Variants in INTS4 observed in about 807,000 individuals in gnomAD.
INTS4 encodes MSTP093.
INTS4 carries 70 observed loss-of-function variants against 119.5 expected under a neutral mutation model. The observed-to-expected ratio is 0.59, with a 90% CI of 0.48 to 0.71. The LOEUF is 0.71. Among genes scored for constraint, INTS4 ranks in the 30% least tolerant of loss-of-function variants. The pLI is 0.00. For missense variants in INTS4, 867 were observed against 1,173.2 expected, an observed-to-expected ratio of 0.74 and a Z score of 3.81; for synonymous variants, 316 against 419.6, an observed-to-expected ratio of 0.75 and a Z score of 3.02.
intron 18 of INTS4, 64 bp downstream of exon 18, chr11:77,901,357 T>G: frequency 6.6e-7 from 1 of 1,525,450 alleles, no homozygotes; most frequent in Non-Finnish European, 9.1e-7. Flanking sequence ...GTGTGATGTC[T>G]GAATGCATTT....
chr11:77,963,681 A>G (rs1855353690), intron 4 of INTS4, among the ~76,000 whole-genome samples: 1 of 152,196 alleles, frequency 6.6e-6, no homozygotes, highest in South Asian at 2.1e-4. Context: ...CAGCATCGAT[A>G]TGGATTTTTT....
In INTS4 at chr11:77,941,251, C is replaced by G; in HGVS notation, c.919G>C (p.Gly307Arg). Residue 307 changes from glycine (G) to arginine (R), a missense_variant and splice_region_variant, in exon 9 of 23, where the codon GGC becomes CGC. This residue lies in a region of INTS4 where 208 missense variants were observed against 306.6 expected (regional missense o/e 0.68). Transcript: ENST00000534064. ...VVRVQAAKLL[G>R]SMEQVSSHFL... ...TGAGAACTGACTTGCTCCATAGAGC[C>G]CTATAAAAAGAAAAATCCAGAGCAT... The G allele has an allele frequency of 6.3e-7, 1 of 1,595,198 alleles. No homozygotes were observed. The highest frequency in any genetic ancestry group is 8.5e-7 in the Non-Finnish European group (1 of 1,175,224).
chr11:77,950,704 T>C (rs920457332), intron 8 of INTS4, among the ~76,000 whole-genome samples: 14 of 150,730 alleles, frequency 9.3e-5, no homozygotes, highest in Non-Finnish European at 1.6e-4. Flanking sequence ...GCCCCATATA[T>C]ACAATGTGTC....
Position 77,956,011 on chromosome 11 carries a change from C to G in INTS4, c.849G>C (p.Ala283=), listed in dbSNP as rs773483938. The G allele has an allele frequency of 1.2e-5, 20 of 1,610,764 alleles. No individual in the cohort carries two copies. In the Admixed American group the frequency reaches 2.8e-4, roughly 23 times the overall value. ...SNEEIRLVDD[A]FGKICHMVSD... is the part of the protein sequence containing the mutation. ...TGACCATGTGACAAATTTTGCCAAA[C>G]GCATCATCAACTAAGCGTATTTCTT... is the stretch of plus-strand genomic sequence containing the variant. Residue 283 remains alanine, a synonymous_variant, in exon 8 of 23, where the codon GCG becomes GCC. Coordinates refer to ENST00000534064, the MANE Select transcript of INTS4 (RefSeq NM_033547.4).
chr11:77,879,724 A>AT (rs1951721411), intron 22 of INTS4, among the ~76,000 whole-genome samples: 1 of 152,194 alleles, frequency 6.6e-6, no homozygotes, highest in African/African-American at 2.4e-5. Flanking sequence ...CCTAGCAAGA[A>AT]TAATTAAGAA....
At chr11:77,989,828 G>A (rs547911671) in intron 2 of INTS4, among the ~76,000 whole-genome samples, 81 of 152,296 alleles carry the variant, frequency 5.3e-4, no homozygotes, top group Non-Finnish European at 3.2e-4. Context: ...GAGCCTCGGA[G>A]GTCGAGGGTA....
chr11:77,959,274 T>C (rs572221709), intron 6 of INTS4, among the ~76,000 whole-genome samples: 1 of 152,334 alleles, frequency 6.6e-6, no homozygotes, highest in East Asian at 1.9e-4. Context: ...CCCTAAATAC[T>C]GATGGCTTTG....
chr11:77,941,284 A>G lies in INTS4; in HGVS notation c.919-33T>C, dbSNP rs763316544. 10 of 1,585,482 alleles carry G rather than the reference A, an allele frequency of 6.3e-6. No homozygotes were observed. In the Admixed American group the frequency reaches 1.9e-4, roughly 31 times the overall value. On this transcript the variant is annotated intron_variant, in intron 8 of 22. Transcript: ENST00000534064. The stretch of plus-strand genomic sequence containing the variant: ...AAGAAAAATCCAGAGCATATAAAAC[A>G]ACTTTTATGATTTGAACATTATCTT...
chr11:77,962,857 A>G (rs751703984), intron 4 of INTS4, among the ~76,000 whole-genome samples: 16 of 151,934 alleles, frequency 1.1e-4, no homozygotes, highest in Non-Finnish European at 1.9e-4. Context: ...TTCTTTAAAA[A>G]AAAAATTTAT....
chr11:77,905,661 G>A (rs934482179), intron 16 of INTS4, among the ~76,000 whole-genome samples: 1 of 152,148 alleles, frequency 6.6e-6, no homozygotes, highest in Admixed American at 6.6e-5. Flanking sequence ...AAAATTTCTT[G>A]AGATCTCAGC....
chr11:77,889,361 A>G (rs1952160379), intron 21 of INTS4, among the ~76,000 whole-genome samples: 1 of 141,012 alleles, frequency 7.1e-6, no homozygotes, highest in African/African-American at 2.6e-5. Context: ...ACACATGGAC[A>G]CAGGAAGGGG....
intron 8 of INTS4, among the ~76,000 whole-genome samples, chr11:77,943,931 C>T (rs1035242631): frequency 1.3e-5 from 2 of 152,180 alleles, no homozygotes; most frequent in African/African-American, 2.4e-5. Flanking sequence ...CTGGGAAAGA[C>T]CAGTCATGGG....
At chr11:77,907,075 G>GT (rs1162289357) in intron 16 of INTS4, among the ~76,000 whole-genome samples, 5 of 152,068 alleles carry the variant, frequency 3.3e-5, no homozygotes, top group African/African-American at 1.2e-4. Flanking sequence ...AGTGCAGTGA[G>GT]TTTTTTTGTT....
intron 8 of INTS4, among the ~76,000 whole-genome samples, chr11:77,948,924 G>A (rs1025574530): frequency 5.3e-5 from 8 of 152,138 alleles, no homozygotes; most frequent in Non-Finnish European, 1.5e-5. Context: ...AACAAAAGCA[G>A]TTCTAAGAGA....
chr11:77,951,342 C>A (rs1255791669), intron 8 of INTS4, among the ~76,000 whole-genome samples: 1 of 151,984 alleles, frequency 6.6e-6, no homozygotes, highest in African/African-American at 2.4e-5. Context: ...AGAACAGAAC[C>A]CTCAGAAATA....
intron 15 of INTS4, among the ~76,000 whole-genome samples, chr11:77,912,925 G>A (rs1953122213): frequency 6.6e-6 from 1 of 152,156 alleles, no homozygotes; most frequent in African/African-American, 2.4e-5. Context: ...GTGTGTAAAA[G>A]AATTCCCATC....
At chr11:77,936,215 A>G (rs192646873) in intron 10 of INTS4, among the ~76,000 whole-genome samples, 18 of 151,934 alleles carry the variant, frequency 1.2e-4, no homozygotes, top group Admixed American at 9.8e-4. Context: ...GATGGAATAT[A>G]TAATACTGGA....
In INTS4 at chr11:77,879,534, G is replaced by GC. The variant is rs532271762; in HGVS notation, c.2714-408dup. Among the ~76,000 whole-genome samples the GC allele has an allele frequency of 1.6e-4, 25 of 152,308 alleles. No individual in the cohort carries two copies. The South Asian group carries it at 3.9e-3, about 24-fold the overall frequency. ...CAGTTCCATCTCAAGCCTCAGGGCT[G>GC]CATGTACCACAGACTACTTTATTAG... On this transcript the variant is annotated intron_variant, in intron 22 of 22. Transcript: ENST00000534064.
At chr11:77,979,921 T>C (rs1330640350) in intron 3 of INTS4, among the ~76,000 whole-genome samples, 1 of 138,948 alleles carries the variant, frequency 7.2e-6, no homozygotes, top group African/African-American at 2.8e-5. Flanking sequence ...GAGGTTGCAG[T>C]GAGCCGAGAT....
Sources: gnomAD v4.1 joint callset for allele counts (sites outside exome capture counted in the v4.1 genomes callset) on GRCh38, gnomAD v4.1.1 for gene constraint, gnomAD v4.1.1 regional missense constraint, MANE v1.5 for transcripts, NCBI Gene and HGNC (gene_info 2026-07-23, HGNC 2026-07-21) for gene names.